Variants in ZNF746 observed in about 807,000 individuals in gnomAD.
The protein encoded by ZNF746 is zinc finger protein 746, also known as parkin-interacting substrate.
In ZNF746, 13 loss-of-function variants were observed where a neutral mutation model predicts 41.0. The ratio of observed to expected loss-of-function variants is 0.32; its 90% CI spans 0.21 to 0.50. The LOEUF (loss-of-function observed/expected upper bound fraction) is 0.50. ZNF746 is among the 20% of genes least tolerant of loss of function. ZNF746 has a pLI of 0.98. For missense variants in ZNF746, 811 were observed against 922.9 expected, an observed-to-expected ratio of 0.88 and a Z score of 1.57; for synonymous variants, 424 against 396.2, an observed-to-expected ratio of 1.07 and a Z score of -0.83.
intron 4 of ZNF746, among the ~76,000 whole-genome samples, chr7:149,481,994 G>A (rs745940005): frequency 6.6e-6 from 1 of 152,132 alleles, no homozygotes; most frequent in Non-Finnish European, 1.5e-5. Context: ...TGAAATAAAT[G>A]TTAACAGTAC....
rs1275646208 is a variant in ZNF746, at chr7:149,475,395, C to T, written c.972G>A (p.Gly324=). The T allele has an allele frequency of 1.9e-6, 3 of 1,614,084 alleles. No homozygotes were observed. Among genetic ancestry groups the T allele is most frequent in the Non-Finnish European group, 2.5e-6 (3 of 1,180,028 alleles). ...PVHPTDLEAH[G]TLFGPGQATR... ...TGGCTTGGCCTGGTCCAAACAGGGT[C>T]CCGTGAGCCTCTAGGTCAGTAGGAT... The change falls in exon 7 of 7, where the codon GGG becomes GGA. Residue 324 remains glycine, a synonymous_variant. Transcript: ENST00000458143.
At chr7:149,477,887 AG>A (rs1800365699) in intron 4 of ZNF746, 132 bp from the exon 5 acceptor site, 1 of 697,992 alleles carries the variant, frequency 1.4e-6, no homozygotes, top group African/African-American at 1.8e-5. Context: ...GTGGGAAGGG[AG>A]GCAGCAGCAA....
Position 149,476,313 on chromosome 7 carries a change from CAAAAAAAAAA to C in ZNF746, c.883+599_883+608del, listed in dbSNP as rs55888950. On this transcript the variant is annotated intron_variant, in intron 6 of 6. Transcript: ENST00000458143. Reference sequence around the variant, plus strand: ...TGGGGGACAGAGTGAGACTCCGCCTCAAAAAAAAAAAAAAAAAAAAAAAAAAAAAAGAATG... The same window carrying C: ...TGGGGGACAGAGTGAGACTCCGCCTCAAAAAAAAAAAAAAAAAAAAGAATG... Among the ~76,000 whole-genome samples the C allele has an allele frequency of 7.0e-3, 442 of 63,318 alleles. 6 individuals are homozygous for C. The highest frequency in any genetic ancestry group is 0.02 in the African/African-American group (304 of 15,364). 41.5% of individuals were successfully genotyped at this position (63,318 alleles called of 152,430 possible). A position where few individuals can be genotyped will look rare whatever the true frequency, so the allele number is the denominator to read the frequency against.
intron 4 of ZNF746, chr7:149,477,997 C>A: frequency 2.3e-6 from 1 of 427,510 alleles, no homozygotes; most frequent in Non-Finnish European, 4.2e-6. Context: ...AATACACAAG[C>A]ACATTCTCAG....
rs187859170 is a variant in ZNF746 at position 149,479,578 on chromosome 7, A to C, written c.566-1823T>G. Among the ~76,000 whole-genome samples, 35 of 152,372 alleles carry C rather than the reference A, an allele frequency of 2.3e-4. No individual in the cohort carries two copies. In the East Asian group the frequency reaches 6.6e-3, roughly 29 times the overall value. On this transcript the variant is annotated intron_variant, in intron 4 of 6. Coordinates refer to ENST00000458143, the MANE Select transcript of ZNF746 (RefSeq NM_001394198.1). The stretch of plus-strand genomic sequence containing the variant: ...CACATTGGGTTTATTCTGAGAGCTC[A>C]AGGATAACACTAGAAAATATAACGA...
Position 149,473,030 on chromosome 7 carries a change from A to G in ZNF746, c.*1354T>C, listed in dbSNP as rs1800150306. On this transcript the variant is annotated 3_prime_UTR_variant, in exon 7 of 7. Transcript: ENST00000458143. Reference sequence around the variant, plus strand: ...CCAGTGGCTGCTTCAACAAAACAGGAATGGATATTTGTGTGGTAGGAACAG... The same window carrying G: ...CCAGTGGCTGCTTCAACAAAACAGGGATGGATATTTGTGTGGTAGGAACAG... 6.6e-6 allele frequency: 1 copy of G among 152,178 alleles called. No individual in the cohort carries two copies. The highest frequency in any genetic ancestry group is 1.5e-5 in the Non-Finnish European group (1 of 68,012). 9.4% of individuals were successfully genotyped at this position (152,178 alleles called of 1,614,324 possible). A position where few individuals can be genotyped will look rare whatever the true frequency, so the allele number is the denominator to read the frequency against.
chr7:149,485,097 C>T (rs1800583196), intron 4 of ZNF746, among the ~76,000 whole-genome samples: 1 of 145,436 alleles, frequency 6.9e-6, no homozygotes, highest in Non-Finnish European at 1.5e-5. Context: ...AAGTCCCCAA[C>T]AGCAACAAAC....
chr7:149,478,727 G>A (rs748652355), intron 4 of ZNF746, among the ~76,000 whole-genome samples: 7 of 152,178 alleles, frequency 4.6e-5, no homozygotes, highest in South Asian at 4.1e-4. Flanking sequence ...AAAAGGAGAG[G>A]CTGAATGATA....
rs151069638 is a variant in ZNF746 at position 149,489,769 on chromosome 7, C to T, written c.565+3090G>A. On this transcript the variant is annotated intron_variant, in intron 4 of 6. Coordinates refer to ENST00000458143, the MANE Select transcript of ZNF746 (RefSeq NM_001394198.1). ...CTGAGGCAAGACTGGGGGATCAGGGCAGGAGGAGAGGGGCTGGCAGGAGAT... is the reference window on the plus strand; with the variant it reads ...CTGAGGCAAGACTGGGGGATCAGGGTAGGAGGAGAGGGGCTGGCAGGAGAT... 3.5e-3 allele frequency: 533 copies of T among 153,736 alleles called. 3 individuals are homozygous for T. Among genetic ancestry groups the T allele is most frequent in the Non-Finnish European group, 5.3e-3 (368 of 69,100 alleles). The allele number at this position is 153,736 out of a possible 1,614,324, so 9.5% of individuals were successfully genotyped here.
At chr7:149,493,853 C>T in intron 3 of ZNF746, 136 bp downstream of exon 3, 1 of 1,441,538 alleles carries the variant, frequency 6.9e-7, no homozygotes, top group South Asian at 1.3e-5. Flanking sequence ...TCATCCTTCA[C>T]AAAAGGTAAC....
intron 4 of ZNF746, 113 bp downstream of exon 4, chr7:149,492,746 A>G (rs1585740190): frequency 3.9e-6 from 3 of 775,160 alleles, no homozygotes; most frequent in Middle Eastern, 7.1e-4. Context: ...TAAAACCTGT[A>G]AGTTTCATGT....
At chr7:149,479,202 C>T (rs1800413319) in intron 4 of ZNF746, among the ~76,000 whole-genome samples, 2 of 152,144 alleles carry the variant, frequency 1.3e-5, no homozygotes, top group African/African-American at 4.8e-5. Flanking sequence ...GGTAATAAAA[C>T]AAACAAACAA....
intron 4 of ZNF746, among the ~76,000 whole-genome samples, chr7:149,487,455 T>C (rs1300200752): frequency 6.6e-6 from 1 of 152,248 alleles, no homozygotes; most frequent in Non-Finnish European, 1.5e-5. Context: ...ACAGACAGGA[T>C]GCTACTATCA....
chr7:149,493,034 C>T (rs1228226478), intron 3 of ZNF746, 62 bp from the exon 4 acceptor site: 20 of 1,107,176 alleles, frequency 1.8e-5, no homozygotes, highest in South Asian at 4.0e-5. Context: ...ACAGTCATCC[C>T]GGAAAACCAA....
chr7:149,481,751 G>A (rs558407455), intron 4 of ZNF746, among the ~76,000 whole-genome samples: 278 of 152,186 alleles, frequency 1.8e-3, no homozygotes, highest in African/African-American at 6.3e-3. Flanking sequence ...AATAACAATA[G>A]TTTGAAAAGG....
At position 149,475,603 on chromosome 7, in the gene ZNF746, G is replaced by A; in HGVS notation, c.884-120C>T. 2.0e-6 allele frequency: 3 copies of A among 1,488,238 alleles called. No homozygotes were observed. The South Asian group carries it at 4.0e-5, about 20-fold the overall frequency. The allele number at this position is 1,488,238 out of a possible 1,614,324, so 92.2% of individuals were successfully genotyped here. ...GACAAACTCCACCCAGGCCCTCGTGGCTGAGCCCAGAGGGCAGCTCAGCAG... is the reference window on the plus strand; with the variant it reads ...GACAAACTCCACCCAGGCCCTCGTGACTGAGCCCAGAGGGCAGCTCAGCAG... On this transcript the variant is annotated intron_variant, in intron 6 of 6. Coordinates refer to ENST00000458143, the MANE Select transcript of ZNF746 (RefSeq NM_001394198.1).
rs570157953 is a variant in ZNF746, at chr7:149,477,500, C to T, written c.757+64G>A. The T allele has an allele frequency of 1.2e-3, 1,870 of 1,518,634 alleles. 36 individuals carry two copies. In the South Asian group the frequency reaches 0.017, roughly 14 times the overall value. 94.1% of individuals were successfully genotyped at this position (1,518,634 alleles called of 1,614,324 possible). ...CACAGCTCCCCCATGCTGCCACGAG[C>T]CCTCCCCTGTCCCTCCTGTGATCCC... On this transcript the variant is annotated intron_variant, in intron 5 of 6. Coordinates refer to ENST00000458143, the MANE Select transcript of ZNF746 (RefSeq NM_001394198.1).
intron 4 of ZNF746, chr7:149,491,853 GTC>G: frequency 1.4e-6 from 1 of 701,040 alleles, no homozygotes; most frequent in Non-Finnish European, 2.6e-6. Flanking sequence ...GACCCAGCAG[GTC>G]TTCACTTTAG....
chr7:149,494,964 G>A lies in ZNF746; in HGVS notation c.25-461C>T, dbSNP rs1800947755. On this transcript the variant is annotated intron_variant, in intron 1 of 6. Transcript: ENST00000458143. The surrounding 1 kb of genome is among the most constrained non-coding windows in gnomAD (Gnocchi z 5.6). ...CTGCACCTCCCCTCATGATTACACA[G>A]GAACTGTCTACTGATGATGACCCAG... 6.6e-6 allele frequency among the ~76,000 whole-genome samples: 1 copy of A among 151,974 alleles called. No homozygotes were observed. Among genetic ancestry groups the A allele is most frequent in the Admixed American group, 6.6e-5 (1 of 15,264 alleles).
Sources: gnomAD v4.1 joint callset for allele counts (sites outside exome capture counted in the v4.1 genomes callset) on GRCh38, gnomAD v4.1.1 for gene constraint, Gnocchi (gnomAD v3.1) non-coding constraint, MANE v1.5 for transcripts, NCBI Gene and HGNC (gene_info 2026-07-23, HGNC 2026-07-21) for gene names.